The following DACH2 variants were observed in gnomAD, a reference collection of about 807,000 sequenced individuals.
DACH2 encodes the protein dachshund homolog 2.
A neutral mutation model predicts 35.8 loss-of-function variants in DACH2; 17 were observed. The ratio of observed to expected loss-of-function variants is 0.48; its 90% confidence interval spans 0.33 to 0.71. The LOEUF (loss-of-function observed/expected upper bound fraction) is 0.71. Ranked by LOEUF, DACH2 falls within the 30% of genes least tolerant of loss-of-function variation. The pLI is 0.02. For missense variants in DACH2, 469 were observed against 472.7 expected (o/e 0.99, Z 0.07); for synonymous variants, 195 against 177.3 (o/e 1.10, Z -0.79).
rs199579591 is a variant in DACH2, at chrX:86,744,475, CAT to C, written c.1240+4596_1240+4597del. ...AAGCAGTTTATACAACTGTGGCAAA[CAT>C]ATGTTTTCACATCTGCTTTGAGTAT... On this transcript the variant is annotated intron_variant, in intron 7 of 11. Transcript: ENST00000373125. 9.0e-3 allele frequency among the ~76,000 whole-genome samples: 1,007 copies of C among 111,698 alleles called. 8 individuals carry two copies. The highest frequency in any genetic ancestry group is 0.016 in the Non-Finnish European group (825 of 52,917).
intron 1 of DACH2, among the ~76,000 whole-genome samples, chrX:86,188,274 C>T (rs1361109182): frequency 6.3e-5 from 7 of 111,749 alleles, no homozygotes; most frequent in Non-Finnish European, 9.4e-5. Flanking sequence ...AAGATAGAGA[C>T]GATAGTAGTT....
At chrX:86,236,391 T>G (rs747385804) in intron 1 of DACH2, among the ~76,000 whole-genome samples, 8 of 112,095 alleles carry the variant, frequency 7.1e-5, no homozygotes, top group Non-Finnish European at 1.1e-4. Flanking sequence ...GAAAACAAAA[T>G]TGTTAACACA....
chrX:86,650,031 A>G (rs184151572), intron 3 of DACH2, among the ~76,000 whole-genome samples: 147 of 110,812 alleles, frequency 1.3e-3, no homozygotes, highest in Non-Finnish European at 2.1e-3. Flanking sequence ...TGAATTCACT[A>G]GACTTTTTGG....
intron 1 of DACH2, among the ~76,000 whole-genome samples, chrX:86,359,743 G>A (rs2035707383): frequency 1.2e-5 from 1 of 84,867 alleles, no homozygotes; most frequent in African/African-American, 4.7e-5. Context: ...GCAAGACCCT[G>A]TCTCAGTTAA....
chrX:86,407,775 T>C (rs1416394942), intron 2 of DACH2, among the ~76,000 whole-genome samples: 2 of 111,952 alleles, frequency 1.8e-5, no homozygotes, highest in Non-Finnish European at 3.8e-5. Flanking sequence ...TAGAGTATGA[T>C]TTTGTAGCAG....
chrX:86,519,494 C>G (rs62594976), intron 3 of DACH2, among the ~76,000 whole-genome samples: 13,023 of 110,626 alleles, frequency 0.12, 897 homozygotes, highest in African/African-American at 0.26. Flanking sequence ...TTATACATCT[C>G]GTAAAATTTA....
At chrX:86,489,953 G>A (rs181794157) in intron 2 of DACH2, among the ~76,000 whole-genome samples, 196 of 111,751 alleles carry the variant, frequency 1.8e-3, no homozygotes, top group African/African-American at 6.0e-3. Context: ...AGAAAATAGC[G>A]TCTTTGGACA....
At chrX:86,817,613 C>T (rs2042466595) in intron 11 of DACH2, among the ~76,000 whole-genome samples, 2 of 111,622 alleles carry the variant, frequency 1.8e-5, no homozygotes, top group African/African-American at 6.5e-5. Context: ...TAACCTGCAC[C>T]TCTGATTTAT....
intron 3 of DACH2, among the ~76,000 whole-genome samples, chrX:86,598,607 T>G (rs1240152787): frequency 9.0e-6 from 1 of 111,112 alleles, no homozygotes; most frequent in Non-Finnish European, 1.9e-5. Flanking sequence ...TGATCCTTGC[T>G]GGTTAACAAG....
chrX:86,716,190 A>G (rs1297722589), intron 6 of DACH2, among the ~76,000 whole-genome samples: 4 of 111,595 alleles, frequency 3.6e-5, no homozygotes, highest in Non-Finnish European at 5.6e-5. Flanking sequence ...TAAAGGGTAA[A>G]AATAAAGCCT....
At chrX:86,543,979 G>A (rs947991563) in intron 3 of DACH2, among the ~76,000 whole-genome samples, 7 of 108,751 alleles carry the variant, frequency 6.4e-5, no homozygotes, top group Non-Finnish European at 1.3e-4. Flanking sequence ...AAAACTTAAA[G>A]TATAATAATA....
At chrX:86,736,615 A>G (rs1415212623) in intron 6 of DACH2, among the ~76,000 whole-genome samples, 1 of 111,253 alleles carries the variant, frequency 9.0e-6, no homozygotes, top group Non-Finnish European at 1.9e-5. Context: ...CATAATGAGC[A>G]TTCAGTTTTT....
At chrX:86,828,699 C>T (rs184283966) in intron 11 of DACH2, 3 of 111,292 alleles carry the variant, frequency 2.7e-5, no homozygotes, top group Non-Finnish European at 5.7e-5. Context: ...GAACATTTGG[C>T]TTGAATTGCC....
At chrX:86,242,770 G>T (rs908147960) in intron 1 of DACH2, among the ~76,000 whole-genome samples, 1 of 111,297 alleles carries the variant, frequency 9.0e-6, no homozygotes, top group Non-Finnish European at 1.9e-5. Context: ...TGGGGGATGG[G>T]TTTCTCCCTA....
chrX:86,555,193 T>C (rs2039101362), intron 3 of DACH2, among the ~76,000 whole-genome samples: 1 of 111,957 alleles, frequency 8.9e-6, no homozygotes, highest in Non-Finnish European at 1.9e-5. Flanking sequence ...AGGATACTTA[T>C]AATGACTTCA....
chrX:86,240,478 T>TTAC (rs1290648646), intron 1 of DACH2, among the ~76,000 whole-genome samples: 17 of 94,631 alleles, frequency 1.8e-4, no homozygotes, highest in African/African-American at 6.4e-4. Context: ...ATTATTATTA[T>TTAC]TACTTTTTGA....
At chrX:86,618,917 G>T (rs187103893) in intron 3 of DACH2, among the ~76,000 whole-genome samples, 1 of 111,723 alleles carries the variant, frequency 9.0e-6, no homozygotes, top group African/African-American at 3.2e-5. Context: ...ACTAGAATTG[G>T]CTCTTACCAT....
chrX:86,317,547 T>A (rs1028703024), intron 1 of DACH2, among the ~76,000 whole-genome samples: 3 of 112,453 alleles, frequency 2.7e-5, no homozygotes, highest in African/African-American at 9.7e-5. Context: ...TTTTAAAAGA[T>A]AATTTTTCTC....
At chrX:86,230,804 T>A (rs1342200963) in intron 1 of DACH2, among the ~76,000 whole-genome samples, 1 of 111,802 alleles carries the variant, frequency 8.9e-6, no homozygotes, top group Non-Finnish European at 1.9e-5. Context: ...AATGATCTTT[T>A]GTATTTCAGT....
Sources: gnomAD v4.1 joint callset for allele counts (sites outside exome capture counted in the v4.1 genomes callset) on GRCh38, gnomAD v4.1.1 for gene constraint, MANE v1.5 for transcripts, NCBI Gene and HGNC (gene_info 2026-07-23, HGNC 2026-07-21) for gene names.